The following NEBL variants were observed in gnomAD, a reference collection of about 807,000 sequenced individuals.
The protein encoded by NEBL is nebulette, also known as LIM and SH3 protein 2.
NEBL carries 122 observed loss-of-function variants against 140.2 expected under a neutral mutation model. The observed-to-expected ratio is 0.87, with a 90% CI of 0.75 to 1.01. The LOEUF (loss-of-function observed/expected upper bound fraction) is 1.01. Ranked by LOEUF, NEBL falls within the 50% of genes least tolerant of loss-of-function variation. The pLI, the probability that NEBL is intolerant of heterozygous loss-of-function variation, is 0.00. For missense variants in NEBL, 1,365 were observed against 1,231.3 expected (o/e 1.11, Z -1.62); for synonymous variants, 436 against 398.9 (o/e 1.09, Z -1.11).
intron 23 of NEBL, 132 bp downstream of exon 23, chr10:20,813,807 C>A: frequency 1.4e-6 from 1 of 697,028 alleles, no homozygotes; most frequent in Non-Finnish European, 2.6e-6. Context: ...AGAAATGCCC[C>A]TCCCTCAAAA....
intron 3 of NEBL, among the ~76,000 whole-genome samples, chr10:21,244,131 C>A (rs926215165): frequency 6.6e-6 from 1 of 152,008 alleles, no homozygotes; most frequent in Admixed American, 6.6e-5. Context: ...TTTCCCCAGG[C>A]CAAATCTTGA....
At chr10:21,054,857 A>G (rs1564494597) in intron 2 of NEBL, among the ~76,000 whole-genome samples, 5 of 152,222 alleles carry the variant, frequency 3.3e-5, no homozygotes, top group Admixed American at 2.6e-4. Flanking sequence ...TTTCAATTTC[A>G]TGAAACTTGA....
At chr10:20,951,806 A>G (rs7098864) in intron 4 of NEBL, among the ~76,000 whole-genome samples, 367 of 152,338 alleles carry the variant, frequency 2.4e-3, no homozygotes, top group African/African-American at 8.2e-3. Flanking sequence ...CACTGTGGCT[A>G]TGTCCCAAAA....
intron 16 of NEBL, among the ~76,000 whole-genome samples, chr10:20,829,979 C>T (rs536439209): frequency 5.3e-5 from 8 of 152,188 alleles, no homozygotes; most frequent in Non-Finnish European, 1.2e-4. Context: ...TCTCCACTGA[C>T]TCAAATGTCT....
chr10:20,911,288 C>T (rs182998195), intron 4 of NEBL, among the ~76,000 whole-genome samples: 281 of 152,314 alleles, frequency 1.8e-3, no homozygotes, highest in Non-Finnish European at 3.3e-3. Flanking sequence ...GATCCCCAAA[C>T]TGAAGTTCAA....
intron 26 of NEBL, among the ~76,000 whole-genome samples, chr10:20,794,541 A>C (rs1426495051): frequency 6.6e-6 from 1 of 152,192 alleles, no homozygotes; most frequent in African/African-American, 2.4e-5. Flanking sequence ...GTATCCTTTT[A>C]ATCGTTAAGT....
At chr10:20,940,870 C>T (rs1339837691) in intron 4 of NEBL, among the ~76,000 whole-genome samples, 1 of 152,170 alleles carries the variant, frequency 6.6e-6, no homozygotes, top group Non-Finnish European at 1.5e-5. Flanking sequence ...CATACAAACT[C>T]CCAAGACTAA....
intron 2 of NEBL, among the ~76,000 whole-genome samples, chr10:21,103,514 T>G (rs1382193648): frequency 6.6e-6 from 1 of 152,056 alleles, no homozygotes; most frequent in Non-Finnish European, 1.5e-5. Context: ...CACCAGGCCT[T>G]TTTCAACTCT....
intron 2 of NEBL, among the ~76,000 whole-genome samples, chr10:21,150,555 A>G (rs1165775305): frequency 6.6e-6 from 1 of 152,238 alleles, no homozygotes; most frequent in African/African-American, 2.4e-5. Flanking sequence ...CACTGCCAAG[A>G]AAAGAAACTC....
intron 2 of NEBL, among the ~76,000 whole-genome samples, chr10:21,137,484 A>T (rs1288844708): frequency 1.3e-5 from 2 of 152,196 alleles, no homozygotes; most frequent in Non-Finnish European, 2.9e-5. Context: ...ACATCTGTAG[A>T]ATTATTCCAG....
intron 2 of NEBL, among the ~76,000 whole-genome samples, chr10:21,102,633 G>C (rs1393325450): frequency 6.6e-6 from 1 of 152,116 alleles, no homozygotes; most frequent in African/African-American, 2.4e-5. Flanking sequence ...ATTCTTTTGA[G>C]AGTCATTAAA....
At chr10:21,044,948 C>T (rs887170543) in intron 2 of NEBL, among the ~76,000 whole-genome samples, 1 of 152,120 alleles carries the variant, frequency 6.6e-6, no homozygotes, top group Non-Finnish European at 1.5e-5. Flanking sequence ...AAGAATGATA[C>T]AACAAACAGC....
At chr10:20,857,393 C>A (rs768829853) in intron 9 of NEBL, among the ~76,000 whole-genome samples, 1 of 152,144 alleles carries the variant, frequency 6.6e-6, no homozygotes, top group Non-Finnish European at 1.5e-5. Context: ...TTTCTCATGT[C>A]TTCCCCAACA....
At chr10:21,157,174 G>A (rs2132142830) in intron 2 of NEBL, among the ~76,000 whole-genome samples, 1 of 152,210 alleles carries the variant, frequency 6.6e-6, no homozygotes, top group Non-Finnish European at 1.5e-5. Flanking sequence ...AGACACTGTG[G>A]TCAACTCGTA....
At chr10:20,835,725 A>G in intron 13 of NEBL, 102 bp from the exon 14 acceptor site, 1 of 839,246 alleles carries the variant, frequency 1.2e-6, no homozygotes, top group Non-Finnish European at 2.0e-6. Flanking sequence ...ATTTTACAAA[A>G]GAGGTAACAA....
At chr10:21,112,762 A>G (rs1838088101) in intron 2 of NEBL, 1 of 160,184 alleles carries the variant, frequency 6.2e-6, no homozygotes, top group Non-Finnish European at 1.3e-5. Context: ...AAAGAAAAAG[A>G]AAAAAATTGA....
intron 2 of NEBL, among the ~76,000 whole-genome samples, chr10:21,118,556 G>T (rs1443377724): frequency 6.6e-6 from 1 of 151,926 alleles, no homozygotes; most frequent in African/African-American, 2.4e-5. Context: ...AACCTCTGGG[G>T]AAAGATTTTC....
chr10:20,997,432 T>A lies in NEBL; in HGVS notation c.249+22685A>T, dbSNP rs7914249. On this transcript the variant is annotated intron_variant, in intron 3 of 6. Coordinates refer to the NEBL transcript ENST00000417816. ...AGTCACCATTAGGTACCCCCATCCCTACAGCCGCAAACCACACCAAATAAA... is the reference window on the plus strand; with the variant it reads ...AGTCACCATTAGGTACCCCCATCCCAACAGCCGCAAACCACACCAAATAAA... Among the ~76,000 whole-genome samples, 3 of 125,262 alleles carry A rather than the reference T, an allele frequency of 2.4e-5. No individual in the cohort carries two copies. In the East Asian group the frequency reaches 7.1e-4, roughly 30 times the overall value. 82.2% of individuals were successfully genotyped at this position (125,262 alleles called of 152,430 possible).
At chr10:21,042,409 G>T (rs770263788) in intron 2 of NEBL, among the ~76,000 whole-genome samples, 3 of 152,200 alleles carry the variant, frequency 2.0e-5, no homozygotes, top group Admixed American at 6.5e-5. Flanking sequence ...TGAGTAAGTT[G>T]CTAAATACAG....
Sources: gnomAD v4.1 joint callset for allele counts (sites outside exome capture counted in the v4.1 genomes callset) on GRCh38, gnomAD v4.1.1 for gene constraint, MANE v1.5 for transcripts, NCBI Gene and HGNC (gene_info 2026-07-23, HGNC 2026-07-21) for gene names.